The following RRAD variants were observed in gnomAD, a reference collection of about 807,000 sequenced individuals.
RRAD encodes GTP-binding protein RAD.
Under a neutral mutation model 24.7 loss-of-function variants are expected in RRAD, and 15 were observed. The ratio of observed to expected loss-of-function variants is 0.61; its 90% CI spans 0.41 to 0.93. RRAD has a LOEUF of 0.93. Among genes scored for constraint, RRAD ranks in the 40% least tolerant of loss-of-function variants. The pLI, the probability that RRAD is intolerant of heterozygous loss-of-function variation, is 0.00. For synonymous variants in RRAD, 180 were observed against 189.8 expected (o/e 0.95, Z 0.43); for missense variants, 438 against 452.2 (o/e 0.97, Z 0.29).
In RRAD at chr16:66,923,180, G is replaced by A. The variant is rs1197062228; in HGVS notation, c.649+336C>T. On this transcript the variant is annotated intron_variant, in intron 4 of 4. Coordinates refer to ENST00000299759, the MANE Select transcript of RRAD (RefSeq NM_004165.3). The surrounding 1 kb of genome is among the most constrained non-coding windows in gnomAD (Gnocchi z 4.9). The stretch of plus-strand genomic sequence containing the variant: ...CCAAGTCTACTCTAAGAATGGCCCA[G>A]ACCTAGCACACAGGCTCTGACCTCC... Among the ~76,000 whole-genome samples, 1 of 152,092 alleles carries A rather than the reference G, an allele frequency of 6.6e-6. No homozygotes were observed. The highest frequency in any genetic ancestry group is 1.5e-5 in the Non-Finnish European group (1 of 68,014).
chr16:66,924,959 TC>T lies in RRAD; in HGVS notation c.220del (p.Glu74ArgfsTer59). The T allele has an allele frequency of 6.5e-7, 1 of 1,532,680 alleles. No individual in the cohort carries two copies. The highest frequency in any genetic ancestry group is 1.2e-5 in the South Asian group (1 of 83,278). 94.9% of individuals were successfully genotyped at this position (1,532,680 alleles called of 1,614,324 possible). On this transcript the variant is annotated frameshift_variant, in exon 2 of 5. Coordinates refer to ENST00000299759, the MANE Select transcript of RRAD (RefSeq NM_004165.3). LOFTEE classifies it high-confidence loss of function. The surrounding 1 kb of genome is among the most constrained non-coding windows in gnomAD (Gnocchi z 4.2). The stretch of plus-strand genomic sequence containing the variant: ...TGAGCTGAGCGAGTCCTCGGAGTCC[TC>T]GGGCCAGTCCAGCCTGGGACCCTGG... Reference protein sequence around the residue: ...GTQGPRLDWPEDSEDSLSSGG... With the variant: ...GTQGPRLDWPXDSEDSLSSGG...
Position 66,923,529 on chromosome 16 carries a change from C to T in RRAD, c.636G>A (p.Glu212=). The change falls in exon 4 of 5, where the codon GAG becomes GAA. Residue 212 remains glutamate (E), a synonymous_variant. Transcript: ENST00000299759. This position sits in a 1 kb window ranked among gnomAD's most constrained non-coding sequence, Gnocchi z 4.9. ...CCGCCTACTCACCATCCACCGAGAC[C>T]TCACGAGAGCGCACCAGGTCGCTCT... is the stretch of plus-strand genomic sequence containing the variant. The part of the protein sequence containing the change: ...GNKSDLVRSR[E]VSVDEGRACA... 2.5e-6 allele frequency: 4 copies of T among 1,607,242 alleles called. No individual in the cohort carries two copies. Among genetic ancestry groups the T allele is most frequent in the Non-Finnish European group, 3.4e-6 (4 of 1,179,460 alleles).
chr16:66,925,310 TCC>T lies in RRAD; in HGVS notation c.-16+97_-16+98del. 1.0e-6 allele frequency: 1 copy of T among 955,210 alleles called. No homozygotes were observed. Among genetic ancestry groups the T allele is most frequent in the Non-Finnish European group, 1.3e-6 (1 of 746,412 alleles). 59.2% of individuals were successfully genotyped at this position (955,210 alleles called of 1,614,324 possible). On this transcript the variant is annotated intron_variant, in intron 1 of 4. Transcript: ENST00000299759. This position sits in a 1 kb window ranked among gnomAD's most constrained non-coding sequence, Gnocchi z 5.2. ...TCCGGCCGAGGTCCCGCCGCAGCCC[TCC>T]CCCAGCCCCCAGGTCGCGGCGCCCT...
At position 66,922,102 on chromosome 16, in the gene RRAD, AC is replaced by A. The variant is rs1962922562; in HGVS notation, c.900del (p.Lys300AsnfsTer?). The A allele has an allele frequency of 6.2e-7, 1 of 1,610,808 alleles. No individual in the cohort carries two copies. Among genetic ancestry groups the A allele is most frequent in the African/African-American group, 1.3e-5 (1 of 74,868 alleles). On this transcript the variant is annotated frameshift_variant, in exon 5 of 5. Transcript: ENST00000299759. LOFTEE classifies it high-confidence loss of function. ...SRKMAFRAKSKSCHDLSVL is the reference protein window; with the variant it reads ...SRKMAFRAKSXSCHDLSVL ...TAGAGAACCGAGAGGTCGTGGCAGG[AC>A]TTGGATTTGGCGCGAAAGGCCATCT...
In RRAD at chr16:66,924,065, C is replaced by A; in HGVS notation, c.371-146G>T. The A allele has an allele frequency of 1.4e-6, 1 of 708,126 alleles. No individual in the cohort carries two copies. Among genetic ancestry groups the A allele is most frequent in the Admixed American group, 2.0e-5 (1 of 49,094 alleles). The allele number at this position is 708,126 out of a possible 1,614,324, so 43.9% of individuals were successfully genotyped here. A position where few individuals can be genotyped will look rare whatever the true frequency, so the allele number is the denominator to read the frequency against. On this transcript the variant is annotated intron_variant, in intron 2 of 4. Transcript: ENST00000299759. This position sits in a 1 kb window ranked among gnomAD's most constrained non-coding sequence, Gnocchi z 4.2. ...TGCAGATGCTGGTATGTGGCAACAG[C>A]AGTGCCAGGCAGGGAAGTGGGGGCT... is the stretch of plus-strand genomic sequence containing the variant.
chr16:66,922,057 T>C lies in RRAD; in HGVS notation c.*19A>G, dbSNP rs757287149. On this transcript the variant is annotated 3_prime_UTR_variant, in exon 5 of 5. Coordinates refer to ENST00000299759, the MANE Select transcript of RRAD (RefSeq NM_004165.3). ...CAACCCTTCCGTTCGTCTCCCACCATAGTGGGAGCGGGTGGGACCTAGAGA... is the reference window on the plus strand; with the variant it reads ...CAACCCTTCCGTTCGTCTCCCACCACAGTGGGAGCGGGTGGGACCTAGAGA... The C allele has an allele frequency of 4.4e-6, 7 of 1,589,586 alleles. No homozygotes were observed. The South Asian group carries it at 4.4e-5, about 10-fold the overall frequency.
chr16:66,924,920 G>A lies in RRAD; in HGVS notation c.260C>T (p.Ser87Leu). The change falls in exon 2 of 5, where the codon TCA (serine) becomes TTA (leucine). Residue 87 changes from serine (S) to leucine (L), a missense_variant. Coordinates refer to ENST00000299759, the MANE Select transcript of RRAD (RefSeq NM_004165.3). The surrounding 1 kb of genome is among the most constrained non-coding windows in gnomAD (Gnocchi z 4.2). Reference protein sequence around the residue: ...EDSLSSGGSDSDESVYKVLLL... With the variant: ...EDSLSSGGSDLDESVYKVLLL... ...CAGCACCTTGTAAACGCTCTCGTCTGAGTCGCTGCCCCCTGAGCTGAGCGA... is the reference window on the plus strand; with the variant it reads ...CAGCACCTTGTAAACGCTCTCGTCTAAGTCGCTGCCCCCTGAGCTGAGCGA... The A allele has an allele frequency of 6.3e-7, 1 of 1,575,946 alleles. No individual in the cohort carries two copies. Among genetic ancestry groups the A allele is most frequent in the Non-Finnish European group, 8.6e-7 (1 of 1,166,648 alleles).
At position 66,923,161 on chromosome 16, in the gene RRAD, CT is replaced by C. The variant is rs1420618513; in HGVS notation, c.649+354del. On this transcript the variant is annotated intron_variant, in intron 4 of 4. Transcript: ENST00000299759. The surrounding 1 kb of genome is among the most constrained non-coding windows in gnomAD (Gnocchi z 4.9). ...GGAAGGGTCTTCCCCAGGGCCAAGT[CT>C]ACTCTAAGAATGGCCCAGACCTAGC... Among the ~76,000 whole-genome samples, 4 of 152,118 alleles carry C rather than the reference CT, an allele frequency of 2.6e-5. No homozygotes were observed. Among genetic ancestry groups the C allele is most frequent in the African/African-American group, 9.7e-5 (4 of 41,422 alleles).
chr16:66,924,057 G>C lies in RRAD; in HGVS notation c.371-138C>G. On this transcript the variant is annotated intron_variant, in intron 2 of 4. Transcript: ENST00000299759. This position sits in a 1 kb window ranked among gnomAD's most constrained non-coding sequence, Gnocchi z 4.2. ...ACTCCACTTGCAGATGCTGGTATGT[G>C]GCAACAGCAGTGCCAGGCAGGGAAG... is the stretch of plus-strand genomic sequence containing the variant. 1.4e-6 allele frequency: 1 copy of C among 735,456 alleles called. No individual in the cohort carries two copies. Among genetic ancestry groups the C allele is most frequent in the South Asian group, 1.5e-5 (1 of 65,450 alleles). The allele number at this position is 735,456 out of a possible 1,614,324, so 45.6% of individuals were successfully genotyped here.
rs941585926 is a variant in RRAD at position 66,921,737 on chromosome 16, G to T, written c.*339C>A. On this transcript the variant is annotated 3_prime_UTR_variant, in exon 5 of 5. Transcript: ENST00000299759. The stretch of plus-strand genomic sequence containing the variant: ...ATCTGCATGTAAACAAATAGCTACC[G>T]CACTGAAGAGCCTCCCTCCAGGGCA... The T allele has an allele frequency of 1.9e-5, 5 of 263,014 alleles. No homozygotes were observed. Among genetic ancestry groups the T allele is most frequent in the Middle Eastern group, 2.2e-3 (2 of 920 alleles). 16.3% of individuals were successfully genotyped at this position (263,014 alleles called of 1,614,324 possible). A position where few individuals can be genotyped will look rare whatever the true frequency, so the allele number is the denominator to read the frequency against.
Position 66,923,462 on chromosome 16 carries a change from T to A in RRAD, c.649+54A>T. 1 of 1,455,318 alleles carries A rather than the reference T, an allele frequency of 6.9e-7. No homozygotes were observed. Among genetic ancestry groups the A allele is most frequent in the Non-Finnish European group, 9.4e-7 (1 of 1,063,304 alleles). 90.2% of individuals were successfully genotyped at this position (1,455,318 alleles called of 1,614,324 possible). On this transcript the variant is annotated intron_variant, in intron 4 of 4. Coordinates refer to ENST00000299759, the MANE Select transcript of RRAD (RefSeq NM_004165.3). The surrounding 1 kb of genome is among the most constrained non-coding windows in gnomAD (Gnocchi z 4.9). ...GGACTCAAGCTGAGCCAAGACTGCC[T>A]GGATCAGGGCCCAGCTGGGCTCTCC...
chr16:66,922,219 C>G lies in RRAD; in HGVS notation c.784G>C (p.Ala262Pro). The change falls in exon 5 of 5, where the codon GCA becomes CCA. Residue 262 changes from alanine to proline, a missense_variant. By Grantham distance (27) the Ala-to-Pro change is conservative. Coordinates refer to ENST00000299759, the MANE Select transcript of RRAD (RefSeq NM_004165.3). The part of the protein sequence containing the change: ...RLRRDSKEAN[A>P]RRQAGTRRRE... Reference sequence around the variant, plus strand: ...CTCCGGGTGCCTGCTTGCCGTCGTGCGTTGGCTTCTTTGCTGTCCCTGCGC... The same window carrying G: ...CTCCGGGTGCCTGCTTGCCGTCGTGGGTTGGCTTCTTTGCTGTCCCTGCGC... 6.2e-7 allele frequency: 1 copy of G among 1,614,236 alleles called. No individual in the cohort carries two copies. Among genetic ancestry groups the G allele is most frequent in the Non-Finnish European group, 8.5e-7 (1 of 1,180,032 alleles).
At position 66,923,568 on chromosome 16, in the gene RRAD, G is replaced by A. The variant is rs766161664; in HGVS notation, c.597C>T (p.Ile199=). Residue 199 remains isoleucine, a synonymous_variant, in exon 4 of 5, where the codon ATC becomes ATT. Coordinates refer to ENST00000299759, the MANE Select transcript of RRAD (RefSeq NM_004165.3). The surrounding 1 kb of genome is among the most constrained non-coding windows in gnomAD (Gnocchi z 4.9). Reference sequence around the variant, plus strand: ...CCAGGTCGCTCTTGTTGCCCACGAGGATGATGGGCACATCATCTGTTTGCC... The same window carrying A: ...CCAGGTCGCTCTTGTTGCCCACGAGAATGATGGGCACATCATCTGTTTGCC... ...RARQTDDVPI[I]LVGNKSDLVR... is the part of the protein sequence containing the mutation. 1.2e-6 allele frequency: 2 copies of A among 1,612,240 alleles called. No homozygotes were observed. The highest frequency in any genetic ancestry group is 2.2e-5 in the South Asian group (2 of 91,060).
chr16:66,923,551 CTCT>C lies in RRAD; in HGVS notation c.611_613del (p.Lys204del). On this transcript the variant is annotated inframe_deletion, in exon 4 of 5. Coordinates refer to ENST00000299759, the MANE Select transcript of RRAD (RefSeq NM_004165.3). The surrounding 1 kb of genome is among the most constrained non-coding windows in gnomAD (Gnocchi z 4.9). The stretch of plus-strand genomic sequence containing the variant: ...GACCTCACGAGAGCGCACCAGGTCG[CTCT>C]TGTTGCCCACGAGGATGATGGGCAC... The C allele has an allele frequency of 6.2e-7, 1 of 1,611,608 alleles. No individual in the cohort carries two copies. Among genetic ancestry groups the C allele is most frequent in the Non-Finnish European group, 8.5e-7 (1 of 1,179,968 alleles).
At position 66,923,439 on chromosome 16, in the gene RRAD, ACT is replaced by A; in HGVS notation, c.649+75_649+76del. ...TTTTAGCCTCTGATGATCCCCAGGG[ACT>A]CAAGCTGAGCCAAGACTGCCTGGAT... On this transcript the variant is annotated intron_variant, in intron 4 of 4. Coordinates refer to ENST00000299759, the MANE Select transcript of RRAD (RefSeq NM_004165.3). This position sits in a 1 kb window ranked among gnomAD's most constrained non-coding sequence, Gnocchi z 4.9. The A allele has an allele frequency of 8.4e-7, 1 of 1,186,594 alleles. No individual in the cohort carries two copies. Among genetic ancestry groups the A allele is most frequent in the Non-Finnish European group, 1.2e-6 (1 of 830,258 alleles). 73.5% of individuals were successfully genotyped at this position (1,186,594 alleles called of 1,614,324 possible).
intron 4 of RRAD, 94 bp from the exon 5 acceptor site, chr16:66,922,447 G>C (rs372262208): frequency 1.1e-5 from 14 of 1,330,856 alleles, no homozygotes; most frequent in African/African-American, 1.0e-4. Context: ...GCTGCCACTC[G>C]AGAATTTGCA....
In RRAD at chr16:66,921,978, CCA is replaced by C. The variant is rs773995454; in HGVS notation, c.*96_*97del. ...TGCCCGGCTGGCAGCTCCGAGGGAC[CCA>C]GAGTCTGAGCCTGCTCTGAGGCACC... On this transcript the variant is annotated 3_prime_UTR_variant, in exon 5 of 5. Transcript: ENST00000299759. 7 of 1,120,524 alleles carry C rather than the reference CCA, an allele frequency of 6.2e-6. No individual in the cohort carries two copies. Among genetic ancestry groups the C allele is most frequent in the African/African-American group, 1.6e-5 (1 of 64,154 alleles). 69.4% of individuals were successfully genotyped at this position (1,120,524 alleles called of 1,614,324 possible). A position where few individuals can be genotyped will look rare whatever the true frequency, so the allele number is the denominator to read the frequency against.
Position 66,924,865 on chromosome 16 carries a change from G to T in RRAD, c.315C>A (p.Ser105Arg). 1 of 1,587,584 alleles carries T rather than the reference G, an allele frequency of 6.3e-7. No homozygotes were observed. Among genetic ancestry groups the T allele is most frequent in the South Asian group, 1.1e-5 (1 of 89,742 alleles). The change falls in exon 2 of 5, where the codon AGC (serine) becomes AGA (arginine). Residue 105 changes from serine (S) to arginine (R), a missense_variant. Coordinates refer to ENST00000299759, the MANE Select transcript of RRAD (RefSeq NM_004165.3). The surrounding 1 kb of genome is among the most constrained non-coding windows in gnomAD (Gnocchi z 4.2). Reference protein sequence around the residue: ...LLLGAPGVGKSALARIFGGVE... With the variant: ...LLLGAPGVGKRALARIFGGVE... ...CACCGCCGAAGATGCGCGCCAGGGC[G>T]CTCTTGCCCACGCCGGGCGCCCCCA...
Position 66,924,761 on chromosome 16 carries a change from A to G in RRAD, c.370+49T>C. Reference sequence around the variant, plus strand: ...GCTTTGAGTACCGGTCTCAGCCCCTAGTCCTAGCCCCGGGATCGCCCCTCC... The same window carrying G: ...GCTTTGAGTACCGGTCTCAGCCCCTGGTCCTAGCCCCGGGATCGCCCCTCC... On this transcript the variant is annotated intron_variant, in intron 2 of 4. Transcript: ENST00000299759. The surrounding 1 kb of genome is among the most constrained non-coding windows in gnomAD (Gnocchi z 4.2). 2 of 1,392,568 alleles carry G rather than the reference A, an allele frequency of 1.4e-6. No individual in the cohort carries two copies. Among genetic ancestry groups the G allele is most frequent in the Non-Finnish European group, 9.4e-7 (1 of 1,059,704 alleles). 86.3% of individuals were successfully genotyped at this position (1,392,568 alleles called of 1,614,324 possible). A position where few individuals can be genotyped will look rare whatever the true frequency, so the allele number is the denominator to read the frequency against.
Sources: allele counts gnomAD v4.1 joint callset (sites outside exome capture counted in the v4.1 genomes callset), GRCh38; gene constraint gnomAD v4.1.1; non-coding constraint Gnocchi (gnomAD v3.1); transcripts MANE v1.5; gene names NCBI Gene and HGNC (gene_info 2026-07-23, HGNC 2026-07-21).